The following KALRN variants were observed in gnomAD, a reference collection of about 807,000 sequenced individuals.
The protein encoded by KALRN is kalirin RhoGEF kinase, also known as kalirin.
In KALRN, 70 loss-of-function variants were observed where a neutral mutation model predicts 353.7. The ratio of observed to expected loss-of-function variants is 0.20; its 90% CI spans 0.16 to 0.24. KALRN has a LOEUF of 0.24. Ranked by LOEUF, KALRN falls within the 10% of genes least tolerant of loss-of-function variation. The pLI is 1.00. For missense variants in KALRN, 2,791 were observed against 3,756.7 expected (o/e 0.74, Z 6.72); for synonymous variants, 1,391 against 1,434.8 (o/e 0.97, Z 0.69).
chr3:124,642,675 G>A (rs549720096), intron 37 of KALRN, among the ~76,000 whole-genome samples: 232 of 152,128 alleles, frequency 1.5e-3, no homozygotes, highest in Non-Finnish European at 2.3e-3. Flanking sequence ...TCAATAGCCG[G>A]GTGGAGTTAG....
chr3:124,275,412 T>C (rs2074604275), intron 5 of KALRN, among the ~76,000 whole-genome samples: 1 of 152,262 alleles, frequency 6.6e-6, no homozygotes, highest in Admixed American at 6.5e-5. Context: ...TATAGTGGGT[T>C]CTTCTCTTTT....
chr3:124,686,035 T>C (rs1464384362), intron 51 of KALRN, among the ~76,000 whole-genome samples: 2 of 152,188 alleles, frequency 1.3e-5, no homozygotes, highest in African/African-American at 4.8e-5. Context: ...GTGATTATTA[T>C]GGAGGACTAA....
At position 124,208,965 on chromosome 3, in the gene KALRN, C is replaced by CAAT. The variant is rs757968593; in HGVS notation, c.74-19006_74-19004dup. On this transcript the variant is annotated intron_variant, in intron 1 of 59. Coordinates refer to ENST00000682506, the MANE Select transcript of KALRN (RefSeq NM_001388419.1). ...TGGGTGACAGAGTGAGACTCTGTCT[C>CAAT]AATAATAATAATAATAATAATCATC... 5.8e-3 allele frequency among the ~76,000 whole-genome samples: 878 copies of CAAT among 151,036 alleles called. 11 individuals are homozygous for CAAT. The highest frequency in any genetic ancestry group is 0.03 in the Admixed American group (461 of 15,142).
intron 1 of KALRN, among the ~76,000 whole-genome samples, chr3:124,085,099 G>T (rs1398040748): frequency 6.6e-6 from 1 of 152,208 alleles, no homozygotes; most frequent in Non-Finnish European, 1.5e-5. Flanking sequence ...CTTAAGTAGA[G>T]ATGGCAGGTT....
chr3:124,071,217 T>A (rs1031871183), intron 1 of KALRN, among the ~76,000 whole-genome samples: 4 of 152,164 alleles, frequency 2.6e-5, no homozygotes, highest in African/African-American at 9.7e-5. Flanking sequence ...GGTGGGTGAC[T>A]TCTGTAATGG....
chr3:124,632,369 C>T (rs755442544), intron 34 of KALRN, 51 bp from the exon 35 acceptor site: 12 of 1,574,382 alleles, frequency 7.6e-6, no homozygotes, highest in African/African-American at 4.0e-5. Context: ...CCCAGGTTTG[C>T]GGCCTGCCTT....
intron 1 of KALRN, among the ~76,000 whole-genome samples, chr3:124,174,958 G>A (rs574274250): frequency 1.3e-3 from 191 of 152,368 alleles, no homozygotes; most frequent in African/African-American, 4.5e-3. Context: ...TTTAATGCCT[G>A]GTCAGTCCAT....
At chr3:124,701,433 G>C (rs2062333697) in intron 56 of KALRN, among the ~76,000 whole-genome samples, 1 of 143,448 alleles carries the variant, frequency 7.0e-6, no homozygotes, top group African/African-American at 2.6e-5. Flanking sequence ...TGTCTCCCAG[G>C]CTGGAGTGCA....
At chr3:124,401,091 G>A (rs2090803222) in intron 13 of KALRN, among the ~76,000 whole-genome samples, 2 of 152,140 alleles carry the variant, frequency 1.3e-5, no homozygotes, top group South Asian at 4.1e-4. Context: ...GGCAAATCAA[G>A]TTCCACTCCT....
chr3:124,661,970 C>A, intron 45 of KALRN, 42 bp downstream of exon 45: 1 of 1,500,942 alleles, frequency 6.7e-7, no homozygotes, highest in Non-Finnish European at 9.3e-7. Context: ...CTCTCCAGGA[C>A]AATAGGAGTC....
chr3:124,087,868 G>T (rs919782561), intron 1 of KALRN, among the ~76,000 whole-genome samples: 5 of 152,100 alleles, frequency 3.3e-5, no homozygotes, highest in African/African-American at 1.2e-4. Flanking sequence ...ATTTTGAAAC[G>T]TCTTTTAAAG....
chr3:124,213,726 T>C (rs922351456), intron 1 of KALRN, among the ~76,000 whole-genome samples: 2 of 152,190 alleles, frequency 1.3e-5, no homozygotes, highest in Non-Finnish European at 2.9e-5. Flanking sequence ...TTTGCATACA[T>C]GGAAAATTAT....
At chr3:124,374,358 G>T (rs996157007) in intron 10 of KALRN, 1 of 152,292 alleles carries the variant, frequency 6.6e-6, no homozygotes, top group Non-Finnish European at 1.5e-5. Flanking sequence ...GTCTGGGAAG[G>T]TGGAAAGGGA....
At chr3:124,512,046 C>T (rs574568654) in intron 33 of KALRN, among the ~76,000 whole-genome samples, 2 of 152,328 alleles carry the variant, frequency 1.3e-5, no homozygotes, top group South Asian at 4.1e-4. Context: ...AGAAAGAGCA[C>T]AAACAGTAAT....
In KALRN at chr3:124,720,246, C is replaced by T. The variant is rs1233678221; in HGVS notation, c.*776C>T. 3 of 152,666 alleles carry T rather than the reference C, an allele frequency of 2.0e-5. No homozygotes were observed. The highest frequency in any genetic ancestry group is 2.1e-4 in the South Asian group (1 of 4,830). 9.5% of individuals were successfully genotyped at this position (152,666 alleles called of 1,614,324 possible). ...AGATAGGTTCTTTCTGTATATGAAA[C>T]GCTCCCCGCAAATTCACTGGCAGCT... On this transcript the variant is annotated 3_prime_UTR_variant, in exon 60 of 60. Coordinates refer to ENST00000682506, the MANE Select transcript of KALRN (RefSeq NM_001388419.1).
intron 1 of KALRN, among the ~76,000 whole-genome samples, chr3:124,118,935 A>G (rs565534980): frequency 6.4e-4 from 98 of 152,316 alleles, no homozygotes; most frequent in Middle Eastern, 3.4e-3. Flanking sequence ...ATAAGACTGT[A>G]TGTCCATGGA....
chr3:124,368,096 C>A (rs2085195019), intron 10 of KALRN, among the ~76,000 whole-genome samples: 1 of 58,638 alleles, frequency 1.7e-5, no homozygotes, highest in Non-Finnish European at 3.4e-5. Flanking sequence ...GGGGGCTGAC[C>A]CCCCCACCTC....
At chr3:124,220,189 CA>C in intron 1 of KALRN, among the ~76,000 whole-genome samples, 1 of 152,114 alleles carries the variant, frequency 6.6e-6, no homozygotes, top group East Asian at 1.9e-4. Flanking sequence ...GTGATCTGCC[CA>C]CTTGGGCCTC....
chr3:124,415,200 T>C (rs2092427470), intron 14 of KALRN, among the ~76,000 whole-genome samples: 1 of 152,232 alleles, frequency 6.6e-6, no homozygotes, highest in African/African-American at 2.4e-5. Context: ...GCAGTCTGTC[T>C]GGGGACTTTT....
Sources: allele counts gnomAD v4.1 joint callset (sites outside exome capture counted in the v4.1 genomes callset), GRCh38; gene constraint gnomAD v4.1.1; transcripts MANE v1.5; gene names NCBI Gene and HGNC (gene_info 2026-07-23, HGNC 2026-07-21).